The following SF3B1 variants were observed in gnomAD, a reference collection of about 807,000 sequenced individuals.
The protein encoded by SF3B1 is splicing factor 3b subunit 1, also known as pre-mRNA processing 10.
Under a neutral mutation model 153.8 loss-of-function variants are expected in SF3B1, and 12 were observed. The ratio of observed to expected loss-of-function variants is 0.08; its 90% CI spans 0.05 to 0.13. The LOEUF is 0.13. Among genes scored for constraint, SF3B1 ranks in the 10% least tolerant of loss-of-function variants. The pLI, the probability that SF3B1 is intolerant of heterozygous loss-of-function variation, is 1.00. For missense variants in SF3B1, 513 were observed against 1,606.1 expected (o/e 0.32, Z 11.63); for synonymous variants, 498 against 525.2 (o/e 0.95, Z 0.71).
rs201445524 is a variant in SF3B1, at chr2:197,408,355, T to C, written c.1117+14A>G. 1.4e-5 allele frequency: 22 copies of C among 1,605,848 alleles called. No homozygotes were observed. The Admixed American group carries it at 2.0e-4, about 15-fold the overall frequency. ...TGGAGAAAAAAACAATTATGTCCAA[T>C]GAGACAGTTCTACCTGGAGTAGGGG... is the stretch of plus-strand genomic sequence containing the variant. On this transcript the variant is annotated intron_variant, in intron 8 of 24. Transcript: ENST00000335508.
At chr2:197,417,775 T>C (rs762531342) in intron 5 of SF3B1, among the ~76,000 whole-genome samples, 1 of 151,634 alleles carries the variant, frequency 6.6e-6, no homozygotes, top group Non-Finnish European at 1.5e-5. Flanking sequence ...AAACAAAAAG[T>C]AGGCAGTTAT....
Position 197,392,966 on chromosome 2 carries a change from A to T in SF3B1, c.3756+6T>A. 6.4e-7 allele frequency: 1 copy of T among 1,560,174 alleles called. No homozygotes were observed. Among genetic ancestry groups the T allele is most frequent in the Non-Finnish European group, 8.7e-7 (1 of 1,143,716 alleles). On this transcript the variant is annotated splice_donor_region_variant and intron_variant, in intron 24 of 24. Coordinates refer to ENST00000335508, the MANE Select transcript of SF3B1 (RefSeq NM_012433.4). ...TCACCGATTAAAAAAAAAATCTTTA[A>T]CTTACCTGTAAACAATATTGCAACA...
In SF3B1 at chr2:197,391,058, G is replaced by A. The variant is rs1574519816; in HGVS notation, c.*1245C>T. 1 of 152,208 alleles carries A rather than the reference G, an allele frequency of 6.6e-6. No homozygotes were observed. Among genetic ancestry groups the A allele is most frequent in the East Asian group, 1.9e-4 (1 of 5,182 alleles). 9.4% of individuals were successfully genotyped at this position (152,208 alleles called of 1,614,324 possible). A position where few individuals can be genotyped will look rare whatever the true frequency, so the allele number is the denominator to read the frequency against. ...TACCACATGGAGACAAAACAAAACAGTAAAAATAGTATAGGTAGTAAAAAG... is the reference window on the plus strand; with the variant it reads ...TACCACATGGAGACAAAACAAAACAATAAAAATAGTATAGGTAGTAAAAAG... On this transcript the variant is annotated 3_prime_UTR_variant, in exon 25 of 25. Transcript: ENST00000335508.
intron 1 of SF3B1, among the ~76,000 whole-genome samples, chr2:197,434,186 C>T (rs1186618804): frequency 6.6e-6 from 1 of 152,226 alleles, no homozygotes; most frequent in Non-Finnish European, 1.5e-5. Context: ...TCCAACTTCT[C>T]ATGCCTCGTC....
At chr2:197,406,652 T>C (rs140804989) in intron 9 of SF3B1, among the ~76,000 whole-genome samples, 2,397 of 152,334 alleles carry the variant, frequency 0.016, 33 homozygotes, top group Middle Eastern at 0.034. Context: ...GAGAAAGACA[T>C]GCAGGCAGTC....
chr2:197,434,941 G>GA, intron 1 of SF3B1, 31 bp downstream of exon 1: 1 of 1,609,486 alleles, frequency 6.2e-7, no homozygotes, highest in Non-Finnish European at 8.5e-7. Flanking sequence ...TAGCAACGAA[G>GA]AAAACACGTA....
Position 197,416,762 on chromosome 2 carries a change from T to G in SF3B1, c.645A>C (p.Leu215=). 1 of 1,611,362 alleles carries G rather than the reference T, an allele frequency of 6.2e-7. No homozygotes were observed. Among genetic ancestry groups the G allele is most frequent in the Non-Finnish European group, 8.5e-7 (1 of 1,179,266 alleles). Residue 215 remains leucine (L), a synonymous_variant, in exon 6 of 25, where the codon CTA becomes CTC. Coordinates refer to ENST00000335508, the MANE Select transcript of SF3B1 (RefSeq NM_012433.4). ...DQTPGATPKK[L]SSWDQAETPG... is the part of the protein sequence containing the mutation. ...TTACCTCTGCCTGATCCCAACTTGATAGTTTTTTGGGAGTGGCACCAGGAG... is the reference window on the plus strand; with the variant it reads ...TTACCTCTGCCTGATCCCAACTTGAGAGTTTTTTGGGAGTGGCACCAGGAG...
At chr2:197,430,784 A>G (rs1483426942) in intron 1 of SF3B1, among the ~76,000 whole-genome samples, 2 of 152,056 alleles carry the variant, frequency 1.3e-5, no homozygotes, top group African/African-American at 4.8e-5. Flanking sequence ...CTGTCTTCAC[A>G]CACTGTGCCC....
At chr2:197,396,532 T>C (rs963018219) in intron 22 of SF3B1, among the ~76,000 whole-genome samples, 1 of 152,312 alleles carries the variant, frequency 6.6e-6, no homozygotes, top group East Asian at 1.9e-4. Context: ...TTTAAAAAAG[T>C]TGACTCTGAG....
At chr2:197,421,281 G>C in intron 2 of SF3B1, 148 bp from the exon 3 acceptor site, 1 of 536,980 alleles carries the variant, frequency 1.9e-6, no homozygotes, top group Non-Finnish European at 3.3e-6. Context: ...AACACAATTG[G>C]TCTTCTTTCA....
At position 197,416,897 on chromosome 2, in the gene SF3B1, T is replaced by A. The variant is rs536445646; in HGVS notation, c.510A>T (p.Gln170His). 4 of 1,610,802 alleles carry A rather than the reference T, an allele frequency of 2.5e-6. No homozygotes were observed. The highest frequency in any genetic ancestry group is 3.4e-6 in the Non-Finnish European group (4 of 1,178,544). Residue 170 changes from glutamine to histidine, a missense_variant, in exon 6 of 25, where the codon CAA becomes CAT. Physicochemically the swap from Gln to His is conservative, Grantham distance 24 (BLOSUM62 0). Around this residue, in one of 21 missense-constraint regions of SF3B1, gnomAD observed 45 missense variants for 65.5 expected, o/e 0.69. Coordinates refer to ENST00000335508, the MANE Select transcript of SF3B1 (RefSeq NM_012433.4). The part of the protein sequence containing the change: ...HLTKEEREIR[Q>H]QLAEKAKAGE... ...CAGCTTTAGCTTTTTCTGCTAGCTGTTGCCTAATTTCTCGCTGAAAAAAAC... is the reference window on the plus strand; with the variant it reads ...CAGCTTTAGCTTTTTCTGCTAGCTGATGCCTAATTTCTCGCTGAAAAAAAC...
At chr2:197,403,245 A>G (rs1312183583) in intron 12 of SF3B1, among the ~76,000 whole-genome samples, 2 of 152,214 alleles carry the variant, frequency 1.3e-5, no homozygotes, top group Non-Finnish European at 2.9e-5. Flanking sequence ...CTAATATTCA[A>G]TATTTTTTAA....
intron 1 of SF3B1, among the ~76,000 whole-genome samples, chr2:197,433,616 T>C (rs2085477072): frequency 6.6e-6 from 1 of 152,240 alleles, no homozygotes; most frequent in Non-Finnish European, 1.5e-5. Context: ...ATTAAAGTCA[T>C]TGACAATTCA....
intron 21 of SF3B1, 141 bp from the exon 22 acceptor site, chr2:197,398,257 G>C: frequency 1.2e-6 from 1 of 856,122 alleles, no homozygotes; most frequent in Non-Finnish European, 1.8e-6. Flanking sequence ...AGGCTGAAGA[G>C]TTAGTCTTAC....
Position 197,409,879 on chromosome 2 carries a change from A to C in SF3B1, c.795T>G (p.Ala265=), listed in dbSNP as rs372793181. 2 of 1,614,062 alleles carry C rather than the reference A, an allele frequency of 1.2e-6. No homozygotes were observed. Among genetic ancestry groups the C allele is most frequent in the African/African-American group, 2.7e-5 (2 of 74,914 alleles). Residue 265 remains alanine, a synonymous_variant, in exon 7 of 25, where the codon GCT becomes GCG. Coordinates refer to ENST00000335508, the MANE Select transcript of SF3B1 (RefSeq NM_012433.4). ...GTGTATCACCTCGTCCAGGAGTAGCAGCTCCCGCTGGTGTGTGGCTAGGTG... is the reference window on the plus strand; with the variant it reads ...GTGTATCACCTCGTCCAGGAGTAGCCGCTCCCGCTGGTGTGTGGCTAGGTG... ...DPTPSHTPAG[A]ATPGRGDTPG...
Position 197,400,907 on chromosome 2 carries a change from G to A in SF3B1, c.2526C>T (p.Asn842=). 6.2e-7 allele frequency: 1 copy of A among 1,613,070 alleles called. No homozygotes were observed. Among genetic ancestry groups the A allele is most frequent in the Non-Finnish European group, 8.5e-7 (1 of 1,179,462 alleles). ...ATATAATTTCTGCTGCACCTACTTTGTTTGCCAACTCCACAGTAGTATCAA... is the reference window on the plus strand; with the variant it reads ...ATATAATTTCTGCTGCACCTACTTTATTTGCCAACTCCACAGTAGTATCAA... ...QLVDTTVELA[N]KVGAAEIISR... is the part of the protein sequence containing the mutation. The change falls in exon 18 of 25, where the codon AAC becomes AAT. Residue 842 remains asparagine (N), a synonymous_variant. Coordinates refer to ENST00000335508, the MANE Select transcript of SF3B1 (RefSeq NM_012433.4). This position sits in a 1 kb window ranked among gnomAD's most constrained non-coding sequence, Gnocchi z 5.0.
intron 4 of SF3B1, 78 bp downstream of exon 4, chr2:197,420,350 C>T: frequency 9.3e-7 from 1 of 1,079,840 alleles, no homozygotes; most frequent in African/African-American, 1.6e-5. Flanking sequence ...AGAAGCATGC[C>T]AAAAAAAATC....
intron 6 of SF3B1, among the ~76,000 whole-genome samples, chr2:197,415,401 C>T (rs879903387): frequency 1.6e-4 from 24 of 151,930 alleles, no homozygotes; most frequent in African/African-American, 4.8e-4. Flanking sequence ...TACAGGCACA[C>T]GCCACCATGC....
At chr2:197,413,050 A>T (rs1277737494) in intron 6 of SF3B1, among the ~76,000 whole-genome samples, 2 of 151,460 alleles carry the variant, frequency 1.3e-5, no homozygotes, top group Admixed American at 6.6e-5. Flanking sequence ...TAACAGGAGG[A>T]CAAACTTCTT....
Sources: allele counts gnomAD v4.1 joint callset (sites outside exome capture counted in the v4.1 genomes callset), GRCh38; gene constraint gnomAD v4.1.1; regional missense constraint gnomAD v4.1.1; non-coding constraint Gnocchi (gnomAD v3.1); transcripts MANE v1.5; gene names NCBI Gene and HGNC (gene_info 2026-07-23, HGNC 2026-07-21).